SIPA1L3: variants seen among roughly 807,000 people sequenced by gnomAD.
The protein encoded by SIPA1L3 is signal-induced proliferation-associated 1-like protein 3.
SIPA1L3 carries 59 observed loss-of-function variants against 150.1 expected under a neutral mutation model. The ratio of observed to expected loss-of-function variants is 0.39; its 90% CI spans 0.32 to 0.49. The LOEUF (loss-of-function observed/expected upper bound fraction) is 0.49. Ranked by LOEUF, SIPA1L3 falls within the 20% of genes least tolerant of loss-of-function variation. The pLI, the probability that SIPA1L3 is intolerant of heterozygous loss-of-function variation, is 0.86. For synonymous variants in SIPA1L3, 1,070 were observed against 1,077.6 expected (o/e 0.99, Z 0.14); for missense variants, 2,211 against 2,489.5 (o/e 0.89, Z 2.38).
chr19:38,095,705 C>T (rs1170976761), intron 4 of SIPA1L3, among the ~76,000 whole-genome samples: 3 of 152,104 alleles, frequency 2.0e-5, no homozygotes, highest in Non-Finnish European at 4.4e-5. Flanking sequence ...GTGGGGGTGA[C>T]CAGGTGGAGA....
intron 15 of SIPA1L3, among the ~76,000 whole-genome samples, chr19:38,170,232 C>T (rs766273762): frequency 1.3e-5 from 2 of 152,134 alleles, no homozygotes; most frequent in Non-Finnish European, 2.9e-5. Flanking sequence ...TCCATCTCAC[C>T]CCACCTCACT....
rs372908431 is a variant in SIPA1L3 at position 38,060,333 on chromosome 19, A to G, written c.-310-20923A>G. 1.3e-4 allele frequency among the ~76,000 whole-genome samples: 20 copies of G among 152,242 alleles called. No homozygotes were observed. In the East Asian group the frequency reaches 1.5e-3, roughly 12 times the overall value. ...CTAAAGCCCATTTTCCTTGATAAACAGACAAGCTTTATGAGTTCTAATATT... is the reference window on the plus strand; with the variant it reads ...CTAAAGCCCATTTTCCTTGATAAACGGACAAGCTTTATGAGTTCTAATATT... On this transcript the variant is annotated intron_variant, in intron 2 of 21. Coordinates refer to ENST00000222345, the MANE Select transcript of SIPA1L3 (RefSeq NM_015073.3).
intron 12 of SIPA1L3, among the ~76,000 whole-genome samples, chr19:38,143,387 G>T (rs1347116952): frequency 1.3e-5 from 2 of 151,774 alleles, no homozygotes; most frequent in Non-Finnish European, 2.9e-5. Context: ...CCTCCTCCTT[G>T]CAGTGGTCCT....
At chr19:38,179,536 C>G (rs998907003) in intron 15 of SIPA1L3, among the ~76,000 whole-genome samples, 2 of 152,202 alleles carry the variant, frequency 1.3e-5, no homozygotes, top group African/African-American at 4.8e-5. Flanking sequence ...GTGCGTCTAT[C>G]ACTGCAATTC....
In SIPA1L3 at chr19:38,082,939, C is replaced by T; in HGVS notation, c.1374C>T (p.His458=). The T allele has an allele frequency of 1.2e-6, 2 of 1,613,110 alleles. No individual in the cohort carries two copies. The highest frequency in any genetic ancestry group is 1.7e-6 in the Non-Finnish European group (2 of 1,179,884). Residue 458 remains histidine (H), a synonymous_variant, in exon 3 of 22, where the codon CAC becomes CAT. Transcript: ENST00000222345. ...SVGSPSSGEG[H]LAEPALSAYR... ...GCTCCCCGAGCAGCGGCGAGGGCCA[C>T]CTGGCAGAGCCCGCCCTGAGCGCCT...
At chr19:38,080,331 G>A (rs1398637498) in intron 2 of SIPA1L3, among the ~76,000 whole-genome samples, 1 of 152,236 alleles carries the variant, frequency 6.6e-6, no homozygotes, top group Admixed American at 6.5e-5. Context: ...ACAGGGGGCA[G>A]AGGAACATGT....
chr19:38,185,121 G>A lies in SIPA1L3; in HGVS notation c.4430+2381G>A, dbSNP rs71354975. ...GCAGCTCATGAGGACTCGCTCTAAT[G>A]CCACCCCCTCAAACAGGTCCTCCTG... On this transcript the variant is annotated intron_variant, in intron 16 of 21. Transcript: ENST00000222345. The A allele has an allele frequency of 9.4e-3, 1,436 of 152,490 alleles. 10 individuals are homozygous for A. Among genetic ancestry groups the A allele is most frequent in the Non-Finnish European group, 0.016 (1,067 of 68,080 alleles). The allele number at this position is 152,490 out of a possible 1,614,324, so 9.4% of individuals were successfully genotyped here.
At chr19:38,007,663 T>TA (rs1967986705) in intron 1 of SIPA1L3, among the ~76,000 whole-genome samples, 1 of 152,020 alleles carries the variant, frequency 6.6e-6, no homozygotes, top group Non-Finnish European at 1.5e-5. Context: ...CATACCCTGT[T>TA]AGAGCACTCT....
Position 38,082,406 on chromosome 19 carries a change from G to GAGA in SIPA1L3, c.844_846dup (p.Lys282dup). On this transcript the variant is annotated inframe_insertion, in exon 3 of 22. Coordinates refer to ENST00000222345, the MANE Select transcript of SIPA1L3 (RefSeq NM_015073.3). Reference sequence around the variant, plus strand: ...GCCACTGCAGCCCACGAAGGAGAAGGAGAAGGCCCGGAAGAAACCTGCGCG... The same window carrying GAGA: ...GCCACTGCAGCCCACGAAGGAGAAGGAGAAGAAGGCCCGGAAGAAACCTGCGCG... The GAGA allele has an allele frequency of 6.3e-7, 1 of 1,598,260 alleles. No homozygotes were observed. The highest frequency in any genetic ancestry group is 8.5e-7 in the Non-Finnish European group (1 of 1,176,856).
intron 12 of SIPA1L3, among the ~76,000 whole-genome samples, 154 bp from the exon 13 acceptor site, chr19:38,152,686 A>G (rs1971851993): frequency 6.6e-6 from 1 of 152,114 alleles, no homozygotes; most frequent in South Asian, 2.1e-4. Context: ...TTCCAGGCTT[A>G]CTCATCCAGC....
chr19:38,138,178 A>C (rs1000120029), intron 10 of SIPA1L3, among the ~76,000 whole-genome samples: 2 of 152,168 alleles, frequency 1.3e-5, no homozygotes, highest in South Asian at 2.1e-4. Context: ...AGTCAAGGAC[A>C]TAAGAAATCT....
At chr19:38,096,074 C>T (rs1022278697) in intron 4 of SIPA1L3, among the ~76,000 whole-genome samples, 15 of 152,080 alleles carry the variant, frequency 9.9e-5, no homozygotes, top group African/African-American at 3.1e-4. Context: ...TGTTAATTAC[C>T]GGGGCCAGAA....
intron 1 of SIPA1L3, among the ~76,000 whole-genome samples, chr19:37,940,399 C>T (rs997534774): frequency 3.3e-5 from 5 of 151,956 alleles, no homozygotes; most frequent in Non-Finnish European, 5.9e-5. Flanking sequence ...ATTATTTTAA[C>T]GCTAAATAGT....
chr19:37,963,331 G>C (rs2046876034), intron 1 of SIPA1L3, among the ~76,000 whole-genome samples: 1 of 152,214 alleles, frequency 6.6e-6, no homozygotes, highest in African/African-American at 2.4e-5. Flanking sequence ...CATTGTTCCA[G>C]ACCAGCAGGG....
chr19:38,135,306 C>T (rs12975576), intron 10 of SIPA1L3, among the ~76,000 whole-genome samples: 54,668 of 151,960 alleles, frequency 0.36, 10,845 homozygotes, highest in East Asian at 0.62. Context: ...GATGGCTCAA[C>T]CTCAGGACTC....
At chr19:38,079,092 G>C (rs944440710) in intron 2 of SIPA1L3, among the ~76,000 whole-genome samples, 2 of 152,170 alleles carry the variant, frequency 1.3e-5, no homozygotes, top group Admixed American at 1.3e-4. Flanking sequence ...CAGCACTTTG[G>C]GAGGCCAAGG....
At chr19:38,080,844 G>A (rs1969961235) in intron 2 of SIPA1L3, among the ~76,000 whole-genome samples, 1 of 151,834 alleles carries the variant, frequency 6.6e-6, no homozygotes, top group African/African-American at 2.4e-5. Flanking sequence ...GGTAGCACAT[G>A]CTGGAATTCC....
intron 1 of SIPA1L3, among the ~76,000 whole-genome samples, chr19:38,001,751 A>G (rs1421193772): frequency 6.6e-6 from 1 of 152,188 alleles, no homozygotes; most frequent in African/African-American, 2.4e-5. Flanking sequence ...GTACTTTTTT[A>G]TTATGATAAA....
intron 2 of SIPA1L3, among the ~76,000 whole-genome samples, chr19:38,070,897 A>G (rs1034890261): frequency 2.0e-5 from 3 of 152,212 alleles, no homozygotes; most frequent in African/African-American, 7.2e-5. Flanking sequence ...CTTAGCCTCC[A>G]TGGCCGTGAC....
Sources: gnomAD v4.1 joint callset for allele counts (sites outside exome capture counted in the v4.1 genomes callset) on GRCh38, gnomAD v4.1.1 for gene constraint, MANE v1.5 for transcripts, NCBI Gene and HGNC (gene_info 2026-07-23, HGNC 2026-07-21) for gene names.